The following RNF220 variants were observed in gnomAD, a reference collection of about 807,000 sequenced individuals.
RNF220 encodes ring finger protein 220.
A neutral mutation model predicts 67.1 loss-of-function variants in RNF220; 7 were observed. That is an observed-to-expected ratio of 0.10 (90% CI 0.06 to 0.20). RNF220 has a LOEUF of 0.20. Among genes scored for constraint, RNF220 ranks in the 10% least tolerant of loss-of-function variants. The pLI, the probability that RNF220 is intolerant of heterozygous loss-of-function variation, is 1.00. For synonymous variants in RNF220, 270 were observed against 283.2 expected (o/e 0.95, Z 0.47); for missense variants, 565 against 740.3 (o/e 0.76, Z 2.75).
chr1:44,418,641 AC>A lies in RNF220; in HGVS notation c.625+5920del, dbSNP rs1217899023. Among the ~76,000 whole-genome samples the A allele has an allele frequency of 2.0e-4, 8 of 39,072 alleles. 1 individual carries two copies. The highest frequency in any genetic ancestry group is 1.8e-3 in the East Asian group (5 of 2,856). The allele number at this position is 39,072 out of a possible 152,430, so 25.6% of individuals were successfully genotyped here. ...TTTGGTGGCCCTTTTTTGTTTGAAA[AC>A]AAAAAAAAAAACACACACACATTGT... On this transcript the variant is annotated intron_variant, in intron 2 of 14. Transcript: ENST00000361799.
intron 2 of RNF220, among the ~76,000 whole-genome samples, chr1:44,443,960 G>A (rs1429875582): frequency 4.6e-5 from 7 of 152,124 alleles, no homozygotes; most frequent in South Asian, 2.1e-4. Context: ...ACATGTTGGC[G>A]CATGCCTGTA....
At chr1:44,414,201 C>T (rs1206669050) in intron 2 of RNF220, among the ~76,000 whole-genome samples, 1 of 152,168 alleles carries the variant, frequency 6.6e-6, no homozygotes, top group Admixed American at 6.5e-5. Flanking sequence ...ACCTGCTGAA[C>T]AGGTATCGGC....
At chr1:44,611,207 C>G (rs1021734382) in intron 2 of RNF220, among the ~76,000 whole-genome samples, 1 of 152,224 alleles carries the variant, frequency 6.6e-6, no homozygotes, top group African/African-American at 2.4e-5. Flanking sequence ...TGCAGAGTCC[C>G]TTTGCTGATC....
chr1:44,628,707 G>A (rs1351514129), intron 5 of RNF220, among the ~76,000 whole-genome samples: 2 of 152,184 alleles, frequency 1.3e-5, no homozygotes, highest in African/African-American at 4.8e-5. Context: ...AACACTCCCT[G>A]GATGAGGCAT....
intron 2 of RNF220, among the ~76,000 whole-genome samples, chr1:44,569,964 A>G (rs898541203): frequency 1.3e-5 from 2 of 152,150 alleles, no homozygotes; most frequent in African/African-American, 4.8e-5. Flanking sequence ...GTGAGCTCCT[A>G]GAAGATCGGG....
intron 1 of RNF220, among the ~76,000 whole-genome samples, chr1:44,408,438 C>T (rs1462621492): frequency 6.6e-6 from 1 of 152,158 alleles, no homozygotes; most frequent in Non-Finnish European, 1.5e-5. Context: ...TCTGTTAGAG[C>T]GGTGTTTCCA....
rs1160105904 is a variant in RNF220 at position 44,649,684 on chromosome 1, C to A, written c.1469C>A (p.Thr490Asn). ...AGAATCACCGAAGATTCAGCTGTGA[C>A]CACGTTTGAGGCTCTGAAGGCTCGG... is the stretch of plus-strand genomic sequence containing the variant. Reference protein sequence around the residue: ...IEKITEDSAVTTFEALKARVR... With the variant: ...IEKITEDSAVNTFEALKARVR... The change falls in exon 13 of 15, where the codon ACC becomes AAC. Residue 490 changes from threonine to asparagine, a missense_variant. Thr to Asn is a moderately conservative substitution (Grantham distance 65). Transcript: ENST00000361799. The surrounding 1 kb of genome is among the most constrained non-coding windows in gnomAD (Gnocchi z 5.9). 1.2e-6 allele frequency: 2 copies of A among 1,614,022 alleles called. No individual in the cohort carries two copies. The highest frequency in any genetic ancestry group is 1.7e-5 in the Admixed American group (1 of 60,008).
intron 2 of RNF220, among the ~76,000 whole-genome samples, chr1:44,460,993 C>T (rs1653708502): frequency 6.6e-6 from 1 of 152,188 alleles, no homozygotes; most frequent in African/African-American, 2.4e-5. Context: ...TGTAACAGAC[C>T]TGCCCCATAG....
intron 2 of RNF220, among the ~76,000 whole-genome samples, chr1:44,584,051 G>A (rs151042207): frequency 2.6e-5 from 4 of 152,264 alleles, no homozygotes; most frequent in Non-Finnish European, 4.4e-5. Context: ...ACATAGCATC[G>A]TGTCTCTTCC....
chr1:44,440,829 C>G (rs945715146), intron 2 of RNF220, among the ~76,000 whole-genome samples: 1 of 152,176 alleles, frequency 6.6e-6, no homozygotes, highest in African/African-American at 2.4e-5. Context: ...AGTAAAAGAG[C>G]TTAGAGCAGA....
intron 2 of RNF220, among the ~76,000 whole-genome samples, chr1:44,563,917 T>G (rs772000496): frequency 6.6e-6 from 1 of 152,208 alleles, no homozygotes; most frequent in African/African-American, 2.4e-5. Context: ...CATCTCTATC[T>G]TCTCTTCACA....
At chr1:44,589,812 T>TTTATAACATATG (rs1553251498) in intron 2 of RNF220, among the ~76,000 whole-genome samples, 1 of 152,110 alleles carries the variant, frequency 6.6e-6, no homozygotes, top group Non-Finnish European at 1.5e-5. Flanking sequence ...TTAATATATG[T>TTTATAACATATG]TTATAAACAA....
chr1:44,424,736 C>T (rs1171897089), intron 2 of RNF220, among the ~76,000 whole-genome samples: 1 of 152,194 alleles, frequency 6.6e-6, no homozygotes, highest in Non-Finnish European at 1.5e-5. Context: ...CTCTGCCTGT[C>T]TTATTGCTGA....
chr1:44,514,639 A>G (rs973834562), intron 2 of RNF220, among the ~76,000 whole-genome samples: 7 of 152,182 alleles, frequency 4.6e-5, no homozygotes, highest in Non-Finnish European at 1.0e-4. Flanking sequence ...GGTGTTCTCT[A>G]TGGACTAAGC....
intron 2 of RNF220, among the ~76,000 whole-genome samples, chr1:44,454,274 A>G (rs1652958840): frequency 6.6e-6 from 1 of 152,160 alleles, no homozygotes; most frequent in Non-Finnish European, 1.5e-5. Flanking sequence ...TTGGAATGGT[A>G]TATCTTTGCT....
chr1:44,439,116 A>T (rs9659658), intron 2 of RNF220, among the ~76,000 whole-genome samples: 5 of 152,216 alleles, frequency 3.3e-5, no homozygotes, highest in African/African-American at 1.2e-4. Flanking sequence ...CTTAGGATAT[A>T]TTCTCGAAAG....
chr1:44,424,973 C>A (rs1286885512), intron 2 of RNF220, among the ~76,000 whole-genome samples: 1 of 152,230 alleles, frequency 6.6e-6, no homozygotes, highest in African/African-American at 2.4e-5. Context: ...CTGTCCTCTT[C>A]CGCAACCCTT....
chr1:44,455,138 G>A (rs771550142), intron 2 of RNF220, among the ~76,000 whole-genome samples: 3 of 152,160 alleles, frequency 2.0e-5, no homozygotes, highest in Non-Finnish European at 4.4e-5. Context: ...GTCATTCTCT[G>A]TTCACTAGAT....
At chr1:44,455,335 G>A (rs554222704) in intron 2 of RNF220, among the ~76,000 whole-genome samples, 11 of 152,128 alleles carry the variant, frequency 7.2e-5, no homozygotes, top group Non-Finnish European at 1.6e-4. Context: ...AGGAGGGAGA[G>A]GAGAAAAATA....
Sources: gnomAD v4.1 joint callset for allele counts (sites outside exome capture counted in the v4.1 genomes callset) on GRCh38, gnomAD v4.1.1 for gene constraint, Gnocchi (gnomAD v3.1) non-coding constraint, MANE v1.5 for transcripts, NCBI Gene and HGNC (gene_info 2026-07-23, HGNC 2026-07-21) for gene names.